NAIP: variants seen among roughly 807,000 people sequenced by gnomAD.
NAIP encodes baculoviral IAP repeat-containing protein 1.
In NAIP, 15 loss-of-function variants were observed where a neutral mutation model predicts 23.0. The observed-to-expected ratio is 0.65, with a 90% CI of 0.44 to 1.00. NAIP has a LOEUF of 1.00. NAIP is among the 50% of genes least tolerant of loss of function. The pLI, the probability that NAIP is intolerant of heterozygous loss-of-function variation, is 0.00. For synonymous variants in NAIP, 100 were observed against 100.2 expected, an observed-to-expected ratio of 1.00 and a Z score of 0.01; for missense variants, 265 against 278.8, an observed-to-expected ratio of 0.95 and a Z score of 0.35.
intron 3 of NAIP, among the ~76,000 whole-genome samples, chr5:71,013,675 G>T (rs1010554714): frequency 5.4e-5 from 8 of 148,686 alleles, no homozygotes; most frequent in Non-Finnish European, 1.2e-4. Flanking sequence ...TCAGTAACAG[G>T]CCAATGACTG....
intron 3 of NAIP, among the ~76,000 whole-genome samples, chr5:71,014,399 T>G (rs1298353203): frequency 6.6e-6 from 1 of 151,462 alleles, no homozygotes; most frequent in African/African-American, 2.4e-5. Context: ...AGTGGCGCAA[T>G]CTCAGCTCCC....
chr5:71,010,463 T>C (rs1323822576), intron 5 of NAIP, among the ~76,000 whole-genome samples: 1 of 151,520 alleles, frequency 6.6e-6, no homozygotes, highest in Non-Finnish European at 1.5e-5. Flanking sequence ...AGAGACATGG[T>C]TTCACCGTGT....
At chr5:71,008,725 A>T (rs1175144897) in intron 5 of NAIP, among the ~76,000 whole-genome samples, 1 of 76,026 alleles carries the variant, frequency 1.3e-5, no homozygotes, top group Admixed American at 1.4e-4. Context: ...AATCGCTTGA[A>T]CCCAGGAGGC....
intron 9 of NAIP, among the ~76,000 whole-genome samples, chr5:70,996,634 TAAA>T (rs1177983727): frequency 3.0e-5 from 4 of 132,650 alleles, no homozygotes; most frequent in African/African-American, 1.1e-4. Context: ...AAAAAATAAA[TAAA>T]AAATAAATTA....
intron 3 of NAIP, among the ~76,000 whole-genome samples, chr5:71,014,248 C>T (rs1751324038): frequency 6.6e-6 from 1 of 151,232 alleles, no homozygotes; most frequent in Admixed American, 6.6e-5. Context: ...CAGGCACGTG[C>T]CACCAATTGC....
intron 6 of NAIP, among the ~76,000 whole-genome samples, chr5:71,002,401 CTTTTTTTTTTT>C (rs1157939944): frequency 1.8e-4 from 1 of 5,590 alleles, no homozygotes; most frequent in Non-Finnish European, 3.0e-4. Flanking sequence ...TGTTGGAGGT[CTTTTTTTTTTT>C]TTTTTTTTTT....
intron 3 of NAIP, among the ~76,000 whole-genome samples, chr5:71,016,800 T>TA (rs1751474785): frequency 1.5e-5 from 1 of 68,688 alleles, no homozygotes; most frequent in Non-Finnish European, 2.8e-5. Flanking sequence ...TTATAAATAA[T>TA]ACCGCTGTGC....
rs1554083616 is a variant in NAIP, at chr5:70,979,584, A to AAT, written c.3442+284_3442+285insAT. 2.6e-4 allele frequency among the ~76,000 whole-genome samples: 11 copies of AAT among 42,824 alleles called. 2 individuals are homozygous for AAT. In the South Asian group the frequency reaches 3.2e-3, roughly 12 times the overall value. The allele number at this position is 42,824 out of a possible 152,430, so 28.1% of individuals were successfully genotyped here. On this transcript the variant is annotated intron_variant, in intron 13 of 16. Coordinates refer to ENST00000517649, the MANE Select transcript of NAIP (RefSeq NM_004536.3). ...CGGGAGACTGTCTCAAAAAAAAAAA[A>AAT]AATAATAATAATAATAATAATAATA...
chr5:71,015,297 T>C (rs1206816618), intron 3 of NAIP, among the ~76,000 whole-genome samples: 2 of 150,846 alleles, frequency 1.3e-5, no homozygotes, highest in Non-Finnish European at 3.0e-5. Flanking sequence ...AAGGATCACT[T>C]GAGCCCAAGA....
At chr5:70,981,541 AAAAG>A (rs1349608436) in intron 12 of NAIP, among the ~76,000 whole-genome samples, 2 of 8,084 alleles carry the variant, frequency 2.5e-4, no homozygotes, top group African/African-American at 1.3e-3. Flanking sequence ...TCAAAAAAAA[AAAAG>A]AAAGAAAAAG....
chr5:71,012,912 C>A lies in NAIP; in HGVS notation c.4G>T (p.Ala2Ser). The A allele has an allele frequency of 6.4e-7, 1 of 1,574,290 alleles. No individual in the cohort carries two copies. Among genetic ancestry groups the A allele is most frequent in the Non-Finnish European group, 8.6e-7 (1 of 1,163,048 alleles). ...TCGTCAGAGGCTTTCTGCTGGGTGG[C>A]CATTTTCTGAAAAGGAAAATAAAGC... M[A>S]TQQKASDERI... The change falls in exon 4 of 17, where the codon GCC becomes TCC. Residue 2 changes from alanine to serine, a missense_variant. Coordinates refer to ENST00000517649, the MANE Select transcript of NAIP (RefSeq NM_004536.3).
intron 13 of NAIP, among the ~76,000 whole-genome samples, chr5:70,977,665 C>CAA (rs1219760084): frequency 7.0e-4 from 54 of 77,508 alleles, no homozygotes; most frequent in African/African-American, 2.2e-3. Flanking sequence ...ACTGCATCTC[C>CAA]AAAAAAAAAA....
chr5:71,013,537 G>C (rs1160360008), intron 3 of NAIP, among the ~76,000 whole-genome samples: 1 of 150,468 alleles, frequency 6.6e-6, no homozygotes, highest in African/African-American at 2.4e-5. Flanking sequence ...CTACTCGGGA[G>C]GCTGAGGCAG....
Position 71,024,735 on chromosome 5 carries a change from T to C in NAIP, c.-339A>G. 1.9e-5 allele frequency: 1 copy of C among 51,986 alleles called. No individual in the cohort carries two copies. 3.2% of individuals were successfully genotyped at this position (51,986 alleles called of 1,614,324 possible). On this transcript the variant is annotated 5_prime_UTR_variant, in exon 1 of 17. Transcript: ENST00000517649. ...CGCCTTCTTGGTATGTGGTTGGGGT[T>C]AACCAAACCGAAAGCTCTCCAAACC...
intron 3 of NAIP, among the ~76,000 whole-genome samples, chr5:71,013,752 T>G (rs991712826): frequency 6.6e-6 from 1 of 150,622 alleles, no homozygotes; most frequent in South Asian, 2.1e-4. Flanking sequence ...CCCATGACCA[T>G]CCCTGAGGGG....
At chr5:71,010,215 T>C (rs1751083276) in intron 5 of NAIP, among the ~76,000 whole-genome samples, 1 of 151,354 alleles carries the variant, frequency 6.6e-6, no homozygotes, top group Non-Finnish European at 1.5e-5. Flanking sequence ...TCTAGCAATC[T>C]TCCTGCCTCA....
At chr5:71,013,741 C>G (rs1751288572) in intron 3 of NAIP, among the ~76,000 whole-genome samples, 2 of 151,204 alleles carry the variant, frequency 1.3e-5, no homozygotes, top group Admixed American at 1.3e-4. Flanking sequence ...AGTGTCAAAT[C>G]CCCATGACCA....
chr5:71,010,012 A>G (rs1382041011), intron 5 of NAIP, among the ~76,000 whole-genome samples: 1 of 151,716 alleles, frequency 6.6e-6, no homozygotes, highest in Admixed American at 6.6e-5. Flanking sequence ...TTTGGTATAT[A>G]TTTAGCAGTA....
At chr5:70,977,683 A>G (rs1750325275) in intron 13 of NAIP, among the ~76,000 whole-genome samples, 1 of 149,716 alleles carries the variant, frequency 6.7e-6, no homozygotes, top group African/African-American at 2.5e-5. Context: ...AAAAAAAAAA[A>G]AAAAAAAAGA....
Sources: allele counts gnomAD v4.1 joint callset (sites outside exome capture counted in the v4.1 genomes callset), GRCh38; gene constraint gnomAD v4.1.1; transcripts MANE v1.5; gene names NCBI Gene and HGNC (gene_info 2026-07-23, HGNC 2026-07-21).